Variants in EIF2AK4 observed in about 807,000 individuals in gnomAD.
The protein encoded by EIF2AK4 is eIF-2-alpha kinase GCN2.
Under a neutral mutation model 211.1 loss-of-function variants are expected in EIF2AK4, and 139 were observed. The ratio of observed to expected loss-of-function variants is 0.66; its 90% confidence interval spans 0.57 to 0.76. The LOEUF (loss-of-function observed/expected upper bound fraction) is 0.76. EIF2AK4 is among the 30% of genes least tolerant of loss of function. The pLI is 0.00. For synonymous variants in EIF2AK4, 710 were observed against 751.3 expected (o/e 0.94, Z 0.90); for missense variants, 1,664 against 2,043.8 (o/e 0.81, Z 3.58).
chr15:39,951,462 G>A (rs944827547), intron 4 of EIF2AK4: 2 of 402,278 alleles, frequency 5.0e-6, no homozygotes, highest in African/African-American at 2.1e-5. Flanking sequence ...ACAGGTTGGT[G>A]TTTTCAAAAA....
chr15:39,944,327 C>T (rs1218714296), intron 3 of EIF2AK4, among the ~76,000 whole-genome samples: 1 of 152,054 alleles, frequency 6.6e-6, no homozygotes, highest in African/African-American at 2.4e-5. Flanking sequence ...TATGACTGTG[C>T]TTTCCTTAGG....
chr15:39,990,246 G>GT, intron 15 of EIF2AK4, 27 bp from the exon 16 acceptor site: 1 of 1,605,462 alleles, frequency 6.2e-7, no homozygotes, highest in Non-Finnish European at 8.5e-7. Context: ...GAAAACCATT[G>GT]TTTGTTTCTT....
At chr15:40,014,000 T>C (rs1397648936) in intron 27 of EIF2AK4, among the ~76,000 whole-genome samples, 1 of 152,248 alleles carries the variant, frequency 6.6e-6, no homozygotes, top group Admixed American at 6.5e-5. Flanking sequence ...AGTACAGGCA[T>C]TGGATAAATA....
chr15:40,009,982 G>T (rs1473014654), intron 26 of EIF2AK4, among the ~76,000 whole-genome samples: 1 of 152,144 alleles, frequency 6.6e-6, no homozygotes, highest in Non-Finnish European at 1.5e-5. Flanking sequence ...TTTTTAAAAG[G>T]CTAACTTCTA....
At chr15:39,936,778 G>A (rs1210760922) in intron 1 of EIF2AK4, among the ~76,000 whole-genome samples, 1 of 152,144 alleles carries the variant, frequency 6.6e-6, no homozygotes, top group Non-Finnish European at 1.5e-5. Flanking sequence ...GTTTATGTGT[G>A]CACATTCCAC....
At chr15:40,020,711 T>G in intron 30 of EIF2AK4, 188 bp from the exon 31 acceptor site, 2 of 381,034 alleles carry the variant, frequency 5.2e-6, no homozygotes, top group Non-Finnish European at 9.1e-6. Context: ...AAAAAGTTGT[T>G]TGAGTGTGTC....
In EIF2AK4 at chr15:40,003,398, A is replaced by T. The variant is rs111696815; in HGVS notation, c.3357+84A>T. 4 of 1,555,592 alleles carry T rather than the reference A, an allele frequency of 2.6e-6. No homozygotes were observed. The African/African-American group carries it at 4.1e-5, about 16-fold the overall frequency. On this transcript the variant is annotated intron_variant, in intron 23 of 38. Coordinates refer to ENST00000263791, the MANE Select transcript of EIF2AK4 (RefSeq NM_001013703.4). Reference sequence around the variant, plus strand: ...ATCTCTGTTAAAGGATTTTTCCCCCAGGCTTATATTATAAATGTCACCTTT... The same window carrying T: ...ATCTCTGTTAAAGGATTTTTCCCCCTGGCTTATATTATAAATGTCACCTTT...
chr15:39,999,048 C>T (rs1486730458), intron 20 of EIF2AK4, among the ~76,000 whole-genome samples: 5 of 151,292 alleles, frequency 3.3e-5, no homozygotes, highest in Non-Finnish European at 7.4e-5. Context: ...TATTTGGACC[C>T]TTGGCTTAGC....
intron 13 of EIF2AK4, 92 bp downstream of exon 13, chr15:39,978,239 C>A: frequency 3.3e-6 from 2 of 608,172 alleles, no homozygotes; most frequent in Non-Finnish European, 2.7e-6. Context: ...AGGCTTTAAT[C>A]TGATATTCAG....
At position 40,001,583 on chromosome 15, in the gene EIF2AK4, G is replaced by T. The variant is rs904772876; in HGVS notation, c.3159+359G>T. On this transcript the variant is annotated intron_variant, in intron 21 of 38. Coordinates refer to ENST00000263791, the MANE Select transcript of EIF2AK4 (RefSeq NM_001013703.4). ...AGGCAGGCGGAGGTTGCAGAGAGCC[G>T]AGATCGTGCCACTGCACTCCAGCCT... Among the ~76,000 whole-genome samples the T allele has an allele frequency of 2.1e-5, 3 of 142,296 alleles. No individual in the cohort carries two copies. In the East Asian group the frequency reaches 6.1e-4, roughly 29 times the overall value. The allele number at this position is 142,296 out of a possible 152,430, so 93.4% of individuals were successfully genotyped here. A position where few individuals can be genotyped will look rare whatever the true frequency, so the allele number is the denominator to read the frequency against.
At chr15:39,940,530 A>T (rs897642561) in intron 2 of EIF2AK4, among the ~76,000 whole-genome samples, 15 of 152,234 alleles carry the variant, frequency 9.9e-5, no homozygotes, top group African/African-American at 3.6e-4. Flanking sequence ...TGAAGTCAGT[A>T]ACCATTCTTG....
chr15:39,984,393 T>G (rs1164731817), intron 13 of EIF2AK4, among the ~76,000 whole-genome samples: 3 of 152,214 alleles, frequency 2.0e-5, no homozygotes, highest in Non-Finnish European at 2.9e-5. Context: ...GTGAAGAAAG[T>G]CAATGGTAGT....
chr15:39,940,364 T>G (rs1388970645), intron 2 of EIF2AK4, among the ~76,000 whole-genome samples: 1 of 152,170 alleles, frequency 6.6e-6, no homozygotes, highest in African/African-American at 2.4e-5. Context: ...TAGTTTGAAA[T>G]TATTGTATGG....
intron 20 of EIF2AK4, among the ~76,000 whole-genome samples, chr15:39,999,738 A>C (rs541176505): frequency 2.0e-5 from 3 of 152,296 alleles, no homozygotes; most frequent in South Asian, 4.1e-4. Flanking sequence ...GGCCATTAGA[A>C]ATACATTGAG....
intron 11 of EIF2AK4, 37 bp from the exon 12 acceptor site, chr15:39,976,377 G>A (rs1466401823): frequency 4.5e-6 from 7 of 1,552,268 alleles, no homozygotes; most frequent in Non-Finnish European, 6.1e-6. Flanking sequence ...TTTGTGCAAG[G>A]CTCCGAGCGG....
chr15:40,024,521 T>A (rs2035438912), intron 32 of EIF2AK4, among the ~76,000 whole-genome samples: 1 of 145,970 alleles, frequency 6.9e-6, no homozygotes, highest in Non-Finnish European at 1.5e-5. Flanking sequence ...TACCTCAGCC[T>A]CCTGAGTAGC....
chr15:39,981,531 A>T (rs934746848), intron 13 of EIF2AK4, among the ~76,000 whole-genome samples: 3 of 152,190 alleles, frequency 2.0e-5, no homozygotes, highest in African/African-American at 2.4e-5. Flanking sequence ...CCTCCAAGAG[A>T]TTAACAGTGT....
chr15:40,004,497 C>T (rs114953863), intron 23 of EIF2AK4, among the ~76,000 whole-genome samples: 3,229 of 152,118 alleles, frequency 0.021, 122 homozygotes, highest in African/African-American at 0.074. Flanking sequence ...GTGCTTGAGC[C>T]CAGTAGTTCA....
At chr15:39,988,197 G>A (rs765998669) in intron 15 of EIF2AK4, 92 bp downstream of exon 15, 14 of 1,393,814 alleles carry the variant, frequency 1.0e-5, no homozygotes, top group Non-Finnish European at 1.3e-5. Flanking sequence ...GAGAAAAACT[G>A]AAATAGAGGG....
Sources: gnomAD v4.1 joint callset for allele counts (sites outside exome capture counted in the v4.1 genomes callset) on GRCh38, gnomAD v4.1.1 for gene constraint, MANE v1.5 for transcripts, NCBI Gene and HGNC (gene_info 2026-07-23, HGNC 2026-07-21) for gene names.